Variants in ITGA1 observed in about 807,000 individuals in gnomAD.
ITGA1 encodes the protein integrin subunit alpha 1.
Under a neutral mutation model 145.9 loss-of-function variants are expected in ITGA1, and 85 were observed. The ratio of observed to expected loss-of-function variants is 0.58; its 90% CI spans 0.49 to 0.70. The LOEUF is 0.70. ITGA1 is among the 30% of genes least tolerant of loss of function. ITGA1 has a pLI of 0.00. For missense variants in ITGA1, 1,351 were observed against 1,418.7 expected (o/e 0.95, Z 0.77); for synonymous variants, 520 against 495.3 (o/e 1.05, Z -0.66).
In ITGA1 at chr5:52,800,200, A is replaced by C. The variant is rs566145776; in HGVS notation, c.61+11786A>C. On this transcript the variant is annotated intron_variant, in intron 1 of 28. Transcript: ENST00000282588. ...TTAGACGCAGCGCGCCGGGAGACTG[A>C]GAGAGGAAAGGATAGAGGAAGTGCT... The C allele has an allele frequency of 7.8e-4, 472 of 602,840 alleles. 2 individuals carry two copies. Among genetic ancestry groups the C allele is most frequent in the African/African-American group, 7.6e-3 (412 of 53,968 alleles). 37.3% of individuals were successfully genotyped at this position (602,840 alleles called of 1,614,324 possible).
In ITGA1 at chr5:52,956,329, G is replaced by A. The variant is rs901479590; in HGVS notation, c.*3878G>A. The A allele has an allele frequency of 2.6e-5, 4 of 152,154 alleles. No homozygotes were observed. The highest frequency in any genetic ancestry group is 2.6e-4 in the Admixed American group (4 of 15,274). 9.4% of individuals were successfully genotyped at this position (152,154 alleles called of 1,614,324 possible). On this transcript the variant is annotated 3_prime_UTR_variant, in exon 29 of 29. Coordinates refer to ENST00000282588, the MANE Select transcript of ITGA1 (RefSeq NM_181501.2). ...ATGTGCCAGGTGCAGTCACATTATT[G>A]TTAAAATAAAGTGGCTTCTGACAAA...
chr5:52,826,552 C>G (rs1580050026), intron 1 of ITGA1, among the ~76,000 whole-genome samples: 1 of 152,290 alleles, frequency 6.6e-6, no homozygotes, highest in Middle Eastern at 3.4e-3. Context: ...CCATCTAGGA[C>G]TTTCATAGCT....
intron 1 of ITGA1, among the ~76,000 whole-genome samples, chr5:52,792,235 A>C (rs1355204602): frequency 6.6e-6 from 1 of 152,218 alleles, no homozygotes; most frequent in Non-Finnish European, 1.5e-5. Flanking sequence ...AAGATTTCCT[A>C]TTCAAAATGA....
At chr5:52,908,866 A>G (rs370158903) in intron 12 of ITGA1, 32 bp from the exon 13 acceptor site, 7 of 1,608,876 alleles carry the variant, frequency 4.4e-6, no homozygotes, top group Non-Finnish European at 5.9e-6. Context: ...TCTGTTGTTC[A>G]TTGGGCTGTT....
At position 52,954,357 on chromosome 5, in the gene ITGA1, T is replaced by C. The variant is rs1158083107; in HGVS notation, c.*1906T>C. 2 of 152,166 alleles carry C rather than the reference T, an allele frequency of 1.3e-5. No homozygotes were observed. The highest frequency in any genetic ancestry group is 1.5e-5 in the Non-Finnish European group (1 of 68,052). The allele number at this position is 152,166 out of a possible 1,614,324, so 9.4% of individuals were successfully genotyped here. On this transcript the variant is annotated 3_prime_UTR_variant, in exon 29 of 29. Transcript: ENST00000282588. ...AAGCTAACGGATCCATTGAAATTCATACTCAGCATCTGTGACTACTAGACA... is the reference window on the plus strand; with the variant it reads ...AAGCTAACGGATCCATTGAAATTCACACTCAGCATCTGTGACTACTAGACA...
chr5:52,953,061 A>G lies in ITGA1; in HGVS notation c.*610A>G, dbSNP rs1751249346. On this transcript the variant is annotated 3_prime_UTR_variant, in exon 29 of 29. Transcript: ENST00000282588. ...CCCTCCCTGCCCAAGGTGATTGGAAAGTACTGCAATTGAGCTAAAATTTTA... is the reference window on the plus strand; with the variant it reads ...CCCTCCCTGCCCAAGGTGATTGGAAGGTACTGCAATTGAGCTAAAATTTTA... 6.6e-6 allele frequency: 1 copy of G among 152,176 alleles called. No individual in the cohort carries two copies. The highest frequency in any genetic ancestry group is 1.5e-5 in the Non-Finnish European group (1 of 68,028). 9.4% of individuals were successfully genotyped at this position (152,176 alleles called of 1,614,324 possible).
intron 1 of ITGA1, chr5:52,800,337 G>A: frequency 3.1e-6 from 5 of 1,592,440 alleles, no homozygotes; most frequent in Non-Finnish European, 3.4e-6. Flanking sequence ...CTCTCCCGGG[G>A]CGGAGGTGAG....
At chr5:52,936,300 A>T (rs927508729) in intron 23 of ITGA1, among the ~76,000 whole-genome samples, 1 of 152,166 alleles carries the variant, frequency 6.6e-6, no homozygotes, top group Non-Finnish European at 1.5e-5. Context: ...CTAACTGAAT[A>T]TCAGGAAACA....
intron 5 of ITGA1, 126 bp downstream of exon 5, chr5:52,865,208 G>T (rs914207510): frequency 1.5e-6 from 1 of 648,626 alleles, no homozygotes. Context: ...ACCAATTTAG[G>T]TAAATGTTTG....
intron 11 of ITGA1, chr5:52,902,200 G>T (rs1750326688): frequency 6.6e-6 from 1 of 152,156 alleles, no homozygotes; most frequent in Non-Finnish European, 1.5e-5. Flanking sequence ...TAAGGATCAG[G>T]AAACTGTAAG....
chr5:52,921,459 T>G (rs924576918), intron 17 of ITGA1, among the ~76,000 whole-genome samples: 5 of 152,206 alleles, frequency 3.3e-5, no homozygotes, highest in Non-Finnish European at 7.4e-5. Flanking sequence ...AAGCTTATTC[T>G]GTCAGGACCA....
intron 1 of ITGA1, among the ~76,000 whole-genome samples, chr5:52,807,289 C>T (rs930155965): frequency 5.3e-5 from 8 of 151,534 alleles, no homozygotes; most frequent in Admixed American, 2.0e-4. Flanking sequence ...CAGGAATGGA[C>T]AACCTGTTAT....
chr5:52,892,692 CG>C (rs1204576631), intron 8 of ITGA1, among the ~76,000 whole-genome samples: 1 of 152,106 alleles, frequency 6.6e-6, no homozygotes, highest in African/African-American at 2.4e-5. Context: ...TGCAGCAACA[CG>C]GATGACTCTG....
Position 52,829,510 on chromosome 5 carries a change from T to A in ITGA1, c.62-19855T>A, listed in dbSNP as rs1749023574. ...ACGGGATGCTCACCACCATAAAAGT[T>A]AGAAATTCTTAATTTTTGAAAAATG... On this transcript the variant is annotated intron_variant, in intron 1 of 28. Transcript: ENST00000282588. 1.3e-5 allele frequency among the ~76,000 whole-genome samples: 2 copies of A among 152,158 alleles called. 1 individual carries two copies. Among genetic ancestry groups the A allele is most frequent in the South Asian group, 4.1e-4 (2 of 4,834 alleles).
intron 14 of ITGA1, 53 bp downstream of exon 14, chr5:52,910,472 G>A: frequency 6.4e-7 from 1 of 1,564,720 alleles, no homozygotes; most frequent in Non-Finnish European, 8.7e-7. Flanking sequence ...TCGGTTCAAT[G>A]CCAGGCATTA....
chr5:52,920,332 A>G lies in ITGA1; in HGVS notation c.2156A>G (p.Asp719Gly). 1 of 1,580,474 alleles carries G rather than the reference A, an allele frequency of 6.3e-7. No homozygotes were observed. Among genetic ancestry groups the G allele is most frequent in the Non-Finnish European group, 8.6e-7 (1 of 1,167,636 alleles). The change falls in exon 17 of 29, where the codon GAT (aspartate) becomes GGT (glycine). Residue 719 changes from aspartate (D) to glycine (G), a missense_variant and splice_region_variant. Asp to Gly is a moderately conservative substitution (Grantham distance 94). Coordinates refer to ENST00000282588, the MANE Select transcript of ITGA1 (RefSeq NM_181501.2). ...CAATTATTTTTTAAAATTTTTGTAG[A>G]TTTGCAGTACCGTGTCACCCTAGAT... ...KSKEDTIYEA[D>G]LQYRVTLDSL...
intron 1 of ITGA1, among the ~76,000 whole-genome samples, chr5:52,821,689 T>G (rs953567631): frequency 5.9e-5 from 9 of 152,194 alleles, no homozygotes; most frequent in Admixed American, 5.9e-4. Flanking sequence ...TTGGAAGGGC[T>G]TATATAATTG....
chr5:52,862,050 T>A (rs1450383989), intron 3 of ITGA1, among the ~76,000 whole-genome samples: 1 of 151,598 alleles, frequency 6.6e-6, no homozygotes, highest in African/African-American at 2.4e-5. Context: ...AAACCCTGCC[T>A]CTACTAAAAA....
Position 52,958,426 on chromosome 5 carries a change from G to T in ITGA1, c.*5975G>T, listed in dbSNP as rs970226224. ...TATTCTTATGTGTAGATTAACCAAG[G>T]CTAATTTCCTGGAGTTTAATACACT... is the stretch of plus-strand genomic sequence containing the variant. On this transcript the variant is annotated 3_prime_UTR_variant, in exon 29 of 29. Transcript: ENST00000282588. The T allele has an allele frequency of 6.6e-6, 1 of 151,554 alleles. No homozygotes were observed. The highest frequency in any genetic ancestry group is 1.5e-5 in the Non-Finnish European group (1 of 67,872). 9.4% of individuals were successfully genotyped at this position (151,554 alleles called of 1,614,324 possible). A position where few individuals can be genotyped will look rare whatever the true frequency, so the allele number is the denominator to read the frequency against.
Sources: allele counts gnomAD v4.1 joint callset (sites outside exome capture counted in the v4.1 genomes callset), GRCh38; gene constraint gnomAD v4.1.1; transcripts MANE v1.5; gene names NCBI Gene and HGNC (gene_info 2026-07-23, HGNC 2026-07-21).